Variants in PLXNA4 observed in about 807,000 individuals in gnomAD.
PLXNA4 encodes the protein plexin A4.
PLXNA4 carries 44 observed loss-of-function variants against 191.8 expected under a neutral mutation model. That is an observed-to-expected ratio of 0.23 (90% CI 0.18 to 0.29). The LOEUF (loss-of-function observed/expected upper bound fraction) is 0.29. Ranked by LOEUF, PLXNA4 falls within the 10% of genes least tolerant of loss-of-function variation. The probability of loss-of-function intolerance (pLI) is 1.00; values close to 1 mark genes in which losing one functional copy is unlikely to be tolerated. For missense variants in PLXNA4, 1,800 were observed against 2,488.8 expected (o/e 0.72, Z 5.89); for synonymous variants, 1,082 against 1,009.5 (o/e 1.07, Z -1.36).
intron 13 of PLXNA4, among the ~76,000 whole-genome samples, chr7:132,194,901 T>C (rs1398461827): frequency 2.0e-5 from 3 of 152,020 alleles, no homozygotes; most frequent in Non-Finnish European, 2.9e-5. Flanking sequence ...TGTGTGTATA[T>C]GTATGTATCT....
At chr7:132,330,078 G>T (rs1211157698) in intron 3 of PLXNA4, among the ~76,000 whole-genome samples, 3 of 152,200 alleles carry the variant, frequency 2.0e-5, no homozygotes, top group African/African-American at 7.2e-5. Flanking sequence ...GCACAGGGCA[G>T]ATTTCCCTGG....
At chr7:132,252,188 C>T (rs1799273556) in intron 4 of PLXNA4, among the ~76,000 whole-genome samples, 1 of 151,992 alleles carries the variant, frequency 6.6e-6, no homozygotes, top group Non-Finnish European at 1.5e-5. Flanking sequence ...CTGGGTCATC[C>T]TGGACACAGG....
chr7:132,132,373 A>G (rs1225652738), intron 31 of PLXNA4, among the ~76,000 whole-genome samples: 2 of 133,806 alleles, frequency 1.5e-5, no homozygotes, highest in East Asian at 2.5e-4. Flanking sequence ...CAGAAAACAC[A>G]TTCTATTTGT....
chr7:132,272,186 G>GT (rs1402752366), intron 4 of PLXNA4, among the ~76,000 whole-genome samples: 1 of 152,166 alleles, frequency 6.6e-6, no homozygotes, highest in African/African-American at 2.4e-5. Context: ...ATGTCCTTCA[G>GT]TCTTCCCTGC....
intron 3 of PLXNA4, among the ~76,000 whole-genome samples, chr7:132,379,630 C>G (rs1804807276): frequency 6.6e-6 from 1 of 152,156 alleles, no homozygotes; most frequent in Non-Finnish European, 1.5e-5. Flanking sequence ...ATAATGTACT[C>G]TGAGCAACCA....
At chr7:132,633,051 T>C (rs1803524282) in intron 2 of PLXNA4, among the ~76,000 whole-genome samples, 1 of 152,106 alleles carries the variant, frequency 6.6e-6, no homozygotes, top group Non-Finnish European at 1.5e-5. Context: ...CAAGGCATTC[T>C]CCATTCTAAC....
At chr7:132,292,870 C>T (rs1800943389) in intron 4 of PLXNA4, among the ~76,000 whole-genome samples, 1 of 152,122 alleles carries the variant, frequency 6.6e-6, no homozygotes, top group African/African-American at 2.4e-5. Flanking sequence ...TCTCTGAGGA[C>T]ACGATATTTG....
chr7:132,259,637 G>A (rs1391687374), intron 4 of PLXNA4, among the ~76,000 whole-genome samples: 6 of 151,918 alleles, frequency 3.9e-5, no homozygotes, highest in East Asian at 1.9e-4. Flanking sequence ...AGTGAGGGGC[G>A]GTCCATCCAC....
chr7:132,216,069 T>C (rs1463564657), intron 9 of PLXNA4, among the ~76,000 whole-genome samples: 1 of 152,186 alleles, frequency 6.6e-6, no homozygotes, highest in Non-Finnish European at 1.5e-5. Context: ...AGACAGTCTT[T>C]TGGGACTCAG....
At chr7:132,364,950 G>A (rs1472930708) in intron 3 of PLXNA4, among the ~76,000 whole-genome samples, 1 of 152,162 alleles carries the variant, frequency 6.6e-6, no homozygotes, top group Non-Finnish European at 1.5e-5. Flanking sequence ...GCACCTAAAA[G>A]CACAATGTAA....
intron 3 of PLXNA4, among the ~76,000 whole-genome samples, chr7:132,376,668 T>C (rs963983162): frequency 1.3e-5 from 2 of 152,238 alleles, no homozygotes; most frequent in Non-Finnish European, 2.9e-5. Context: ...CCAGGCCTCC[T>C]GATTTCTCCA....
chr7:132,500,644 A>G (rs1798210114), intron 2 of PLXNA4, among the ~76,000 whole-genome samples: 1 of 152,184 alleles, frequency 6.6e-6, no homozygotes, highest in East Asian at 1.9e-4. Flanking sequence ...CAATATTATT[A>G]CGCCCCTTTC....
At chr7:132,181,756 C>T in intron 17 of PLXNA4, 136 bp from the exon 18 acceptor site, 1 of 1,433,970 alleles carries the variant, frequency 7.0e-7, no homozygotes, top group South Asian at 1.5e-5. Flanking sequence ...GTCAGGGCCA[C>T]ACAATTGGGC....
intron 2 of PLXNA4, among the ~76,000 whole-genome samples, chr7:132,606,928 A>C (rs1473816113): frequency 1.3e-5 from 2 of 152,222 alleles, no homozygotes; most frequent in African/African-American, 2.4e-5. Flanking sequence ...TCAGGAATGC[A>C]TCCCAAAGTG....
rs1311259488 is a variant in PLXNA4 at position 132,439,666 on chromosome 7, G to C, written c.1371+49626C>G. Among the ~76,000 whole-genome samples the C allele has an allele frequency of 2.6e-5, 4 of 152,102 alleles. No individual in the cohort carries two copies. The East Asian group carries it at 7.7e-4, about 29-fold the overall frequency. ...AAACATTTGCAAACCACTTGTTTAG[G>C]GGGCAAGACCTGAACTCAAGGAGCA... is the stretch of plus-strand genomic sequence containing the variant. On this transcript the variant is annotated intron_variant, in intron 3 of 31. Coordinates refer to ENST00000321063, the MANE Select transcript of PLXNA4 (RefSeq NM_020911.2).
chr7:132,269,461 A>G (rs1799981957), intron 4 of PLXNA4, among the ~76,000 whole-genome samples: 1 of 149,912 alleles, frequency 6.7e-6, no homozygotes, highest in South Asian at 2.1e-4. Flanking sequence ...GAGTGAAAGG[A>G]TGCTGCTCAT....
intron 3 of PLXNA4, among the ~76,000 whole-genome samples, chr7:132,487,795 G>A (rs1036326016): frequency 5.3e-5 from 8 of 152,154 alleles, no homozygotes; most frequent in Non-Finnish European, 1.0e-4. Flanking sequence ...GTCTCACAGC[G>A]TCTTCCCTGG....
At chr7:132,182,820 C>G (rs569327997) in intron 16 of PLXNA4, among the ~76,000 whole-genome samples, 2 of 152,238 alleles carry the variant, frequency 1.3e-5, no homozygotes, top group South Asian at 4.1e-4. Context: ...AGGGAGGACA[C>G]AGGACTGCTG....
chr7:132,430,891 C>G (rs1432571317), intron 3 of PLXNA4, among the ~76,000 whole-genome samples: 2 of 152,158 alleles, frequency 1.3e-5, no homozygotes, highest in African/African-American at 4.8e-5. Context: ...AGGACAGGAG[C>G]AGCAGCCTCG....
Sources: allele counts gnomAD v4.1 joint callset (sites outside exome capture counted in the v4.1 genomes callset), GRCh38; gene constraint gnomAD v4.1.1; transcripts MANE v1.5; gene names NCBI Gene and HGNC (gene_info 2026-07-23, HGNC 2026-07-21).